CFAP77: variants seen among roughly 807,000 people sequenced by gnomAD.
The protein encoded by CFAP77 is cilia- and flagella-associated protein 77.
In CFAP77, 25 loss-of-function variants were observed where a neutral mutation model predicts 31.1. The ratio of observed to expected loss-of-function variants is 0.80; its 90% confidence interval spans 0.59 to 1.12. The LOEUF (loss-of-function observed/expected upper bound fraction) is 1.12, where lower values mean the gene tolerates loss of function less well. Ranked by LOEUF, CFAP77 falls within the 50% of genes most tolerant of loss-of-function variation. The pLI, the probability that CFAP77 is intolerant of heterozygous loss-of-function variation, is 0.00. For missense variants in CFAP77, 377 were observed against 397.3 expected (o/e 0.95, Z 0.44); for synonymous variants, 151 against 159.9 (o/e 0.94, Z 0.42).
chr9:132,466,400 A>C (rs931369030), intron 1 of CFAP77, among the ~76,000 whole-genome samples: 1 of 152,206 alleles, frequency 6.6e-6, no homozygotes, highest in African/African-American at 2.4e-5. Flanking sequence ...TCTCCACTGC[A>C]TGAAGCCAGG....
chr9:132,532,467 A>G (rs1852470003), intron 3 of CFAP77, among the ~76,000 whole-genome samples: 1 of 152,236 alleles, frequency 6.6e-6, no homozygotes, highest in Admixed American at 6.5e-5. Context: ...CCAGGAGTGC[A>G]GTCCAGCATG....
chr9:132,546,557 G>A lies in CFAP77; in HGVS notation c.732+3510G>A, dbSNP rs368777690. Among the ~76,000 whole-genome samples the A allele has an allele frequency of 7.4e-3, 1,127 of 152,330 alleles. 16 individuals carry two copies. Among genetic ancestry groups the A allele is most frequent in the African/African-American group, 0.026 (1,064 of 41,570 alleles). ...GCAGGCAGGGCGCGGCTGCTGCACC[G>A]ACACCGCCAGCCACGAGGGGGCTGC... On this transcript the variant is annotated intron_variant, in intron 5 of 5. Transcript: ENST00000393216.
chr9:132,532,192 T>TGACCAGCTGCC (rs1256482640), intron 3 of CFAP77, among the ~76,000 whole-genome samples: 3 of 152,362 alleles, frequency 2.0e-5, no homozygotes, highest in East Asian at 3.9e-4. Flanking sequence ...TGGAAGCTGC[T>TGACCAGCTGCC]GAACCTTTGC....
chr9:132,454,342 C>T (rs755949794), intron 1 of CFAP77, among the ~76,000 whole-genome samples: 17 of 152,026 alleles, frequency 1.1e-4, no homozygotes, highest in Non-Finnish European at 1.9e-4. Context: ...CCCAGGAAAC[C>T]GAGGGCTTTC....
At chr9:132,500,152 CAAA>C (rs563485823) in intron 3 of CFAP77, among the ~76,000 whole-genome samples, 7 of 84,866 alleles carry the variant, frequency 8.2e-5, no homozygotes, top group Non-Finnish European at 1.0e-4. Flanking sequence ...ACCCTGTCTC[CAAA>C]AAAAAAAAAA....
Position 132,484,733 on chromosome 9 carries a change from TA to T in CFAP77, c.196-13959del, listed in dbSNP as rs199843179. Among the ~76,000 whole-genome samples, 78 of 151,958 alleles carry T rather than the reference TA, an allele frequency of 5.1e-4. No individual in the cohort carries two copies. In the East Asian group the frequency reaches 9.4e-3, roughly 18 times the overall value. On this transcript the variant is annotated intron_variant, in intron 1 of 5. Coordinates refer to ENST00000393216, the MANE Select transcript of CFAP77 (RefSeq NM_001282957.2). ...TGAATGCCTGTTTTCTTTTTTTTTTTAAATTTTTGTGGGTACATAGTAGCTA... is the reference window on the plus strand; with the variant it reads ...TGAATGCCTGTTTTCTTTTTTTTTTTAATTTTTGTGGGTACATAGTAGCTA...
In CFAP77 at chr9:132,524,805, C is replaced by T. The variant is rs560981083; in HGVS notation, c.525-12796C>T. Among the ~76,000 whole-genome samples, 7 of 149,198 alleles carry T rather than the reference C, an allele frequency of 4.7e-5. No homozygotes were observed. The South Asian group carries it at 8.8e-4, about 19-fold the overall frequency. On this transcript the variant is annotated intron_variant, in intron 3 of 5. Coordinates refer to ENST00000393216, the MANE Select transcript of CFAP77 (RefSeq NM_001282957.2). ...CTGGGACTACAGGCGCCCGCCACCACGCCCAGCTAATTTTTTGTATTTTTA... is the reference window on the plus strand; with the variant it reads ...CTGGGACTACAGGCGCCCGCCACCATGCCCAGCTAATTTTTTGTATTTTTA...
chr9:132,561,372 C>G (rs191080968), intron 5 of CFAP77, among the ~76,000 whole-genome samples: 120 of 151,842 alleles, frequency 7.9e-4, no homozygotes, highest in Middle Eastern at 3.4e-3. Flanking sequence ...TTTTCCCCCC[C>G]CAAATCCTCC....
At position 132,509,496 on chromosome 9, in the gene CFAP77, C is replaced by T. The variant is rs560188267; in HGVS notation, c.524+9896C>T. Among the ~76,000 whole-genome samples the T allele has an allele frequency of 7.2e-5, 11 of 152,290 alleles. No homozygotes were observed. The South Asian group carries it at 8.3e-4, about 11-fold the overall frequency. On this transcript the variant is annotated intron_variant, in intron 3 of 5. Coordinates refer to ENST00000393216, the MANE Select transcript of CFAP77 (RefSeq NM_001282957.2). ...GCCCAGGCTGAGGGCCAGTCTTGCT[C>T]GGTGGCTCACACCTGTAATCCCGTC...
intron 3 of CFAP77, among the ~76,000 whole-genome samples, chr9:132,534,292 G>A (rs1195401028): frequency 6.6e-6 from 1 of 152,010 alleles, no homozygotes; most frequent in African/African-American, 2.4e-5. Context: ...CATTCCTCCT[G>A]CATTTATGAG....
chr9:132,417,566 CA>C (rs1402977190), intron 1 of CFAP77, among the ~76,000 whole-genome samples: 1 of 152,234 alleles, frequency 6.6e-6, no homozygotes. Flanking sequence ...AGTTCTGTCT[CA>C]GCCACTTACT....
At chr9:132,421,329 G>C (rs546325216) in intron 1 of CFAP77, among the ~76,000 whole-genome samples, 45 of 151,962 alleles carry the variant, frequency 3.0e-4, no homozygotes, top group African/African-American at 1.0e-3. Flanking sequence ...GCAAGTATGT[G>C]GGGGGGAACT....
chr9:132,430,717 A>G (rs193044967), intron 1 of CFAP77, among the ~76,000 whole-genome samples: 1 of 152,310 alleles, frequency 6.6e-6, no homozygotes, highest in African/African-American at 2.4e-5. Context: ...ACCCAGTAAC[A>G]GAAAACTTGT....
Position 132,469,838 on chromosome 9 carries a change from A to ATTTT in CFAP77, c.196-28842_196-28839dup, listed in dbSNP as rs763910119. On this transcript the variant is annotated intron_variant, in intron 1 of 5. Transcript: ENST00000393216. ...TTCAGACTCTGCCAGTTGCTCCGTG[A>ATTTT]TTTTTTTTTTTTTTTTTTGAGATGG... Among the ~76,000 whole-genome samples, 282 of 128,808 alleles carry ATTTT rather than the reference A, an allele frequency of 2.2e-3. 4 individuals carry two copies. The East Asian group carries it at 0.024, about 11-fold the overall frequency. 84.5% of individuals were successfully genotyped at this position (128,808 alleles called of 152,430 possible).
chr9:132,551,445 G>A (rs973324848), intron 5 of CFAP77, among the ~76,000 whole-genome samples: 3 of 152,106 alleles, frequency 2.0e-5, no homozygotes, highest in African/African-American at 4.8e-5. Flanking sequence ...ACAGACATCC[G>A]CCACCACGCC....
intron 1 of CFAP77, among the ~76,000 whole-genome samples, chr9:132,445,843 T>C (rs1483530120): frequency 3.6e-5 from 5 of 139,630 alleles, no homozygotes; most frequent in Admixed American, 7.7e-5. Context: ...CACTCTAGCC[T>C]GGGCGACAGA....
intron 5 of CFAP77, among the ~76,000 whole-genome samples, chr9:132,558,408 T>C (rs957904664): frequency 2.0e-5 from 3 of 152,226 alleles, no homozygotes; most frequent in Admixed American, 2.0e-4. Context: ...ATTACTCTTA[T>C]AAGCCAGTAA....
chr9:132,499,304 C>G lies in CFAP77; in HGVS notation c.296-68C>G. The stretch of plus-strand genomic sequence containing the variant: ...GGACCCGCGTGCCCCCATTTCTTCT[C>G]GATCAGCTGCCTCAGGGTGCTTACT... On this transcript the variant is annotated intron_variant, in intron 2 of 5. Coordinates refer to ENST00000393216, the MANE Select transcript of CFAP77 (RefSeq NM_001282957.2). This position sits in a 1 kb window ranked among gnomAD's most constrained non-coding sequence, Gnocchi z 5.4. 1 of 1,442,380 alleles carries G rather than the reference C, an allele frequency of 6.9e-7. No homozygotes were observed. Among genetic ancestry groups the G allele is most frequent in the Admixed American group, 1.7e-5 (1 of 57,302 alleles). The allele number at this position is 1,442,380 out of a possible 1,614,324, so 89.3% of individuals were successfully genotyped here. A position where few individuals can be genotyped will look rare whatever the true frequency, so the allele number is the denominator to read the frequency against.
intron 3 of CFAP77, among the ~76,000 whole-genome samples, chr9:132,532,976 G>A (rs1032022775): frequency 2.0e-5 from 3 of 152,168 alleles, no homozygotes; most frequent in Non-Finnish European, 4.4e-5. Context: ...TAAAAGCTGT[G>A]GATTCTCTCC....
Sources: allele counts gnomAD v4.1 joint callset (sites outside exome capture counted in the v4.1 genomes callset), GRCh38; gene constraint gnomAD v4.1.1; non-coding constraint Gnocchi (gnomAD v3.1); transcripts MANE v1.5; gene names NCBI Gene and HGNC (gene_info 2026-07-23, HGNC 2026-07-21).